Variants in DMWD observed in about 807,000 individuals in gnomAD.
DMWD encodes the protein dystrophia myotonica WD repeat-containing protein.
Under a neutral mutation model 45.8 loss-of-function variants are expected in DMWD, and 19 were observed. That is an observed-to-expected ratio of 0.41 (90% CI 0.29 to 0.61). The LOEUF (loss-of-function observed/expected upper bound fraction) is 0.61, where lower values mean the gene tolerates loss of function less well. Among genes scored for constraint, DMWD ranks in the 20% least tolerant of loss-of-function variants. The pLI, the probability that DMWD is intolerant of heterozygous loss-of-function variation, is 0.25. For synonymous variants in DMWD, 515 were observed against 440.5 expected (o/e 1.17, Z -2.12); for missense variants, 802 against 965.2 (o/e 0.83, Z 2.24).
chr19:45,786,545 G>A lies in DMWD; in HGVS notation c.951C>T (p.Leu317=), dbSNP rs1970281409. The A allele has an allele frequency of 6.2e-7, 1 of 1,613,972 alleles. No homozygotes were observed. Among genetic ancestry groups the A allele is most frequent in the African/African-American group, 1.3e-5 (1 of 74,936 alleles). The change falls in exon 3 of 5, where the codon CTC becomes CTT. Residue 317 remains leucine (L), a synonymous_variant. Transcript: ENST00000270223. ...CLRVFHFDSM[L]LRGLMKSYFG... ...AGTAGCTCTTCATGAGCCCACGCAG[G>A]AGCATGGAGTCGAAGTGGAAGACGC...
At chr19:45,791,302 C>T (rs1380929147) in intron 1 of DMWD, among the ~76,000 whole-genome samples, 2 of 151,992 alleles carry the variant, frequency 1.3e-5, no homozygotes, top group Non-Finnish European at 2.9e-5. Flanking sequence ...AAGGATCCCC[C>T]TTGACCACAG....
rs200816830 is a variant in DMWD, at chr19:45,786,124, G to A, written c.1372C>T (p.Arg458Cys). 282 of 1,533,532 alleles carry A rather than the reference G, an allele frequency of 1.8e-4. No homozygotes were observed. In the African/African-American group the frequency reaches 2.8e-3, roughly 15 times the overall value. The allele number at this position is 1,533,532 out of a possible 1,614,324, so 95.0% of individuals were successfully genotyped here. The change falls in exon 3 of 5, where the codon CGC becomes TGC. Residue 458 changes from arginine (R) to cysteine (C), a missense_variant. Arg to Cys is a radical substitution (Grantham distance 180, BLOSUM62 -3). Transcript: ENST00000270223. ...DVLYPHPPLA[R>C]TRTLPGTPGT... The stretch of plus-strand genomic sequence containing the variant: ...GGTGTGCCAGGGAGGGTGCGGGTGC[G>A]GGCCAGGGGGGGGTGCGGGTAGAGC...
Position 45,790,920 on chromosome 19 carries a change from C to T in DMWD, c.609G>A (p.Lys203=). 6.2e-7 allele frequency: 1 copy of T among 1,608,166 alleles called. No individual in the cohort carries two copies. The highest frequency in any genetic ancestry group is 8.5e-7 in the Non-Finnish European group (1 of 1,177,256). Residue 203 remains lysine, a synonymous_variant, in exon 2 of 5, where the codon AAG becomes AAA. Transcript: ENST00000270223. The part of the protein sequence containing the change: ...YLDLIKKDTS[K]LFNEERLIDK... The stretch of plus-strand genomic sequence containing the variant: ...CTGCAATCACCTCCTCATTGAACAG[C>T]TTGCTGGTGTCCTTTTTGATGAGAT...
chr19:45,783,797 C>A lies in DMWD; in HGVS notation c.*446G>T. ...GACAGGGAGGAACCTGAGGGGCTTC[C>A]ATAATTTAACACTCTTCAAAAGCAC... On this transcript the variant is annotated 3_prime_UTR_variant, in exon 5 of 5. Transcript: ENST00000270223. 1 of 458,108 alleles carries A rather than the reference C, an allele frequency of 2.2e-6. No individual in the cohort carries two copies. The highest frequency in any genetic ancestry group is 5.0e-5 in the South Asian group (1 of 20,016). 28.4% of individuals were successfully genotyped at this position (458,108 alleles called of 1,614,324 possible). A position where few individuals can be genotyped will look rare whatever the true frequency, so the allele number is the denominator to read the frequency against.
At chr19:45,788,802 G>T (rs9676288) in intron 2 of DMWD, among the ~76,000 whole-genome samples, 49,473 of 151,946 alleles carry the variant, frequency 0.33, 8,229 homozygotes, top group Non-Finnish European at 0.36. Flanking sequence ...GGTGGTGCAT[G>T]CATGTAGTCC....
Position 45,792,536 on chromosome 19 carries a change from G to C in DMWD, c.221C>G (p.Ala74Gly). 5 of 1,149,104 alleles carry C rather than the reference G, an allele frequency of 4.4e-6. No individual in the cohort carries two copies. The highest frequency in any genetic ancestry group is 5.3e-6 in the Non-Finnish European group (5 of 935,110). 71.2% of individuals were successfully genotyped at this position (1,149,104 alleles called of 1,614,324 possible). A position where few individuals can be genotyped will look rare whatever the true frequency, so the allele number is the denominator to read the frequency against. The change falls in exon 1 of 5, where the codon GCA (alanine) becomes GGA (glycine). Residue 74 changes from alanine (A) to glycine (G), a missense_variant. Transcript: ENST00000270223. ...GPASASGPGA[A>G]GPASSPPPAG... ...GGGCGGCGGGGACGACGCGGGGCCTGCAGCGCCGGGACCGGAGGCGGAGGC... is the reference window on the plus strand; with the variant it reads ...GGGCGGCGGGGACGACGCGGGGCCTCCAGCGCCGGGACCGGAGGCGGAGGC...
chr19:45,785,917 T>C lies in DMWD; in HGVS notation c.1579A>G (p.Thr527Ala), dbSNP rs892911515. The change falls in exon 3 of 5, where the codon ACA (threonine) becomes GCA (alanine). Residue 527 changes from threonine (T) to alanine (A), a missense_variant. Thr to Ala is a moderately conservative substitution (Grantham distance 58, BLOSUM62 0). This residue lies in a region of DMWD where 303 missense variants were observed against 332.9 expected (regional missense o/e 0.91). Transcript: ENST00000270223. Reference protein sequence around the residue: ...PFSIGRFATLTLQERRDRGAE... With the variant: ...PFSIGRFATLALQERRDRGAE... ...CCCCGGTCCCGCCGCTCCTGCAGTG[T>C]GAGCGTGGCGAAGCGGCCAATGCTG... The C allele has an allele frequency of 2.3e-5, 37 of 1,602,666 alleles. 1 individual carries two copies. In the Admixed American group the frequency reaches 5.2e-4, roughly 22 times the overall value.
At chr19:45,787,005 C>G (rs574068662) in intron 2 of DMWD, 134 bp from the exon 3 acceptor site, 1 of 1,444,130 alleles carries the variant, frequency 6.9e-7, no homozygotes, top group East Asian at 2.5e-5. Context: ...AGGCCCAGGT[C>G]CTCCTCGGAG....
At position 45,787,174 on chromosome 19, in the gene DMWD, C is replaced by T. The variant is rs186294129; in HGVS notation, c.625-303G>A. On this transcript the variant is annotated intron_variant, in intron 2 of 4. Coordinates refer to ENST00000270223, the MANE Select transcript of DMWD (RefSeq NM_004943.2). The stretch of plus-strand genomic sequence containing the variant: ...CTTGCCACAGAATTGTCCTGTATCT[C>T]GGGGTCCTCAACCTCCGGGCCATGG... 74 of 472,194 alleles carry T rather than the reference C, an allele frequency of 1.6e-4. No homozygotes were observed. In the East Asian group the frequency reaches 2.8e-3, roughly 18 times the overall value. 29.3% of individuals were successfully genotyped at this position (472,194 alleles called of 1,614,324 possible). A position where few individuals can be genotyped will look rare whatever the true frequency, so the allele number is the denominator to read the frequency against.
intron 1 of DMWD, among the ~76,000 whole-genome samples, chr19:45,791,766 C>T (rs1230123491): frequency 1.3e-5 from 2 of 152,046 alleles, no homozygotes; most frequent in Non-Finnish European, 2.9e-5. Context: ...CATCAGCTTC[C>T]GGACGCTCAT....
chr19:45,789,674 C>T (rs905792304), intron 2 of DMWD: 2 of 152,226 alleles, frequency 1.3e-5, no homozygotes, highest in Non-Finnish European at 2.9e-5. Context: ...AGCCTCAATT[C>T]TCTAATCTGC....
chr19:45,787,036 A>C, intron 2 of DMWD, 165 bp from the exon 3 acceptor site: 2 of 1,229,106 alleles, frequency 1.6e-6, no homozygotes, highest in Non-Finnish European at 2.2e-6. Context: ...AAACTGGGGA[A>C]GACAGATGGA....
rs1288580781 is a variant in DMWD at position 45,792,616 on chromosome 19, C to G, written c.141G>C (p.Pro47=). ...PGDGAARRSG[P]ASAQTPVPPQ... ...GCGGCACCGGAGTCTGGGCGGAAGCCGGACCCGACCTGCGAGCGGCGCCGT... is the reference window on the plus strand; with the variant it reads ...GCGGCACCGGAGTCTGGGCGGAAGCGGGACCCGACCTGCGAGCGGCGCCGT... Residue 47 remains proline (P), a synonymous_variant, in exon 1 of 5, where the codon CCG becomes CCC. Transcript: ENST00000270223. The G allele has an allele frequency of 7.5e-7, 1 of 1,326,472 alleles. No individual in the cohort carries two copies. Among genetic ancestry groups the G allele is most frequent in the Non-Finnish European group, 9.8e-7 (1 of 1,022,196 alleles). 82.2% of individuals were successfully genotyped at this position (1,326,472 alleles called of 1,614,324 possible).
chr19:45,786,023 G>C lies in DMWD; in HGVS notation c.1473C>G (p.Ser491=), dbSNP rs1970267644. 2 of 1,551,886 alleles carry C rather than the reference G, an allele frequency of 1.3e-6. No homozygotes were observed. The highest frequency in any genetic ancestry group is 1.4e-5 in the African/African-American group (1 of 73,382). Residue 491 remains serine, a synonymous_variant, in exon 3 of 5, where the codon TCC becomes TCG. Coordinates refer to ENST00000270223, the MANE Select transcript of DMWD (RefSeq NM_004943.2). ...CTGGGTGCGGGAGACTGTTGGAGCG[G>C]GACAGCGAGCGAGGCAGGGGGCCTG... ...PGPGPLPRSL[S]RSNSLPHPAG... is the part of the protein sequence containing the mutation.
intron 3 of DMWD, chr19:45,785,269 AAT>A: frequency 2.7e-6 from 3 of 1,119,130 alleles, no homozygotes; most frequent in Admixed American, 4.9e-5. Context: ...GTTCAACAGA[AAT>A]AGATTCTGGT....
chr19:45,785,616 G>A lies in DMWD; in HGVS notation c.1880C>T (p.Thr627Ile). 1.3e-6 allele frequency: 2 copies of A among 1,520,990 alleles called. No individual in the cohort carries two copies. The highest frequency in any genetic ancestry group is 1.3e-5 in the South Asian group (1 of 77,474). 94.2% of individuals were successfully genotyped at this position (1,520,990 alleles called of 1,614,324 possible). ...ITACQEGLIC[T>I]WARPGKAFTD... ...CACCGCCTTGCCCGGCCGGGCCCAG[G>A]TGCAGATGAGGCCCTCCTGGCAGGC... The change falls in exon 3 of 5, where the codon ACC becomes ATC. Residue 627 changes from threonine to isoleucine, a missense_variant. Thr to Ile is a moderately conservative substitution (Grantham distance 89). Coordinates refer to ENST00000270223, the MANE Select transcript of DMWD (RefSeq NM_004943.2).
intron 2 of DMWD, chr19:45,787,319 C>T (rs889079895): frequency 4.2e-5 from 9 of 216,464 alleles, no homozygotes; most frequent in Non-Finnish European, 6.6e-5. Flanking sequence ...ATTCAATCCT[C>T]GTAAGAGTGC....
intron 2 of DMWD, among the ~76,000 whole-genome samples, chr19:45,790,407 A>G (rs1046997224): frequency 2.0e-5 from 3 of 151,394 alleles, no homozygotes; most frequent in Admixed American, 1.3e-4. Context: ...TAATCCCACC[A>G]CTTTGGGAGG....
rs371277956 is a variant in DMWD, at chr19:45,786,716, G to A, written c.780C>T (p.Gly260=). Residue 260 remains glycine, a synonymous_variant, in exon 3 of 5, where the codon GGC becomes GGT. Coordinates refer to ENST00000270223, the MANE Select transcript of DMWD (RefSeq NM_004943.2). ...TGGCAGCATAGACAGAGAAGCCCTC[G>A]CCCTGCTTCAGCAGGCTGTACTGGG... ...APPQYSLLKQ[G]EGFSVYAAKS... is the part of the protein sequence containing the mutation. 1.1e-4 allele frequency: 182 copies of A among 1,612,682 alleles called. No individual in the cohort carries two copies. The highest frequency in any genetic ancestry group is 4.7e-4 in the South Asian group (43 of 91,036).
Sources: gnomAD v4.1 joint callset for allele counts (sites outside exome capture counted in the v4.1 genomes callset) on GRCh38, gnomAD v4.1.1 for gene constraint, gnomAD v4.1.1 regional missense constraint, MANE v1.5 for transcripts, NCBI Gene and HGNC (gene_info 2026-07-23, HGNC 2026-07-21) for gene names.